Variants in NBAS observed in about 807,000 individuals in gnomAD.
NBAS encodes the protein NBAS subunit of NRZ tethering complex, also known as NAG/BC035112 fusion.
Under a neutral mutation model 302.5 loss-of-function variants are expected in NBAS, and 219 were observed. The observed-to-expected ratio is 0.72, with a 90% CI of 0.65 to 0.81. The LOEUF is 0.81. Among genes scored for constraint, NBAS ranks in the 30% least tolerant of loss-of-function variants. NBAS has a pLI of 0.00. For synonymous variants in NBAS, 1,118 were observed against 1,021.6 expected, an observed-to-expected ratio of 1.09 and a Z score of -1.80; for missense variants, 2,932 against 2,841.6, an observed-to-expected ratio of 1.03 and a Z score of -0.72.
At chr2:15,319,738 A>C (rs1311399143) in intron 38 of NBAS, among the ~76,000 whole-genome samples, 4 of 152,228 alleles carry the variant, frequency 2.6e-5, no homozygotes, top group Non-Finnish European at 5.9e-5. Flanking sequence ...AGGCTCTGAA[A>C]TTGAGGCAAT....
At chr2:14,919,265 C>T in the NBAS span, among the ~76,000 whole-genome samples, 1 of 152,116 alleles carries the variant, frequency 6.6e-6, no homozygotes, top group African/African-American at 2.4e-5. Flanking sequence ...TATGTTTACA[C>T]TATAGTCTTT....
the NBAS span, among the ~76,000 whole-genome samples, chr2:14,832,776 G>T: frequency 6.6e-6 from 1 of 152,176 alleles, no homozygotes; most frequent in African/African-American, 2.4e-5. Flanking sequence ...CCTTGGCATT[G>T]TTCACATTTT....
At chr2:15,357,098 T>C (rs992948041) in intron 32 of NBAS, among the ~76,000 whole-genome samples, 71 of 152,280 alleles carry the variant, frequency 4.7e-4, no homozygotes, top group African/African-American at 1.6e-3. Flanking sequence ...TCTGGCACCC[T>C]AGCCAGCCCT....
chr2:14,967,014 T>G, the NBAS span, among the ~76,000 whole-genome samples: 1 of 152,178 alleles, frequency 6.6e-6, no homozygotes, highest in Non-Finnish European at 1.5e-5. Context: ...TCATGTATAC[T>G]GATAAACAAT....
At chr2:15,439,317 A>G (rs1189850429) in intron 21 of NBAS, among the ~76,000 whole-genome samples, 5 of 151,684 alleles carry the variant, frequency 3.3e-5, no homozygotes, top group Admixed American at 3.3e-4. Flanking sequence ...AAAAAAAAAA[A>G]AAAAAAAAGA....
At chr2:15,035,417 T>A in the NBAS span, among the ~76,000 whole-genome samples, 1 of 152,190 alleles carries the variant, frequency 6.6e-6, no homozygotes, top group Non-Finnish European at 1.5e-5. Context: ...TCAACCATTG[T>A]GGAAGACAGT....
intron 47 of NBAS, 67 bp downstream of exon 47, chr2:15,232,355 C>T: frequency 6.8e-7 from 1 of 1,468,914 alleles, no homozygotes; most frequent in East Asian, 2.3e-5. Flanking sequence ...CATACGGATA[C>T]TAAGAGCAAT....
rs751615350 is a variant in NBAS, at chr2:15,424,395, T to C, written c.2497A>G (p.Arg833Gly). 3.4e-5 allele frequency: 55 copies of C among 1,614,054 alleles called. No homozygotes were observed. Among genetic ancestry groups the C allele is most frequent in the South Asian group, 1.1e-5 (1 of 91,092 alleles). Residue 833 changes from arginine to glycine, a missense_variant, in exon 23 of 52, where the codon AGG becomes GGG. Transcript: ENST00000281513. The stretch of plus-strand genomic sequence containing the variant: ...TTCTCCACCGTAAGCTGGGTCATCC[T>C]GAACCTTAGTAACTCAGGCTGTGCA... ...YAAQPELLRF[R>G]MTQLTVEKVM...
chr2:14,984,193 T>C, the NBAS span, among the ~76,000 whole-genome samples: 2 of 152,298 alleles, frequency 1.3e-5, no homozygotes, highest in South Asian at 2.1e-4. Context: ...TGGTTTTCCT[T>C]CACTCCTCAT....
intron 48 of NBAS, among the ~76,000 whole-genome samples, chr2:15,209,327 G>A (rs534601327): frequency 1.3e-5 from 2 of 152,122 alleles, no homozygotes; most frequent in South Asian, 4.2e-4. Context: ...AAAAATCTGG[G>A]ACTGGATAGC....
chr2:15,533,673 G>GGTGC (rs1558418656), intron 9 of NBAS, among the ~76,000 whole-genome samples: 1 of 130,678 alleles, frequency 7.7e-6, no homozygotes, highest in East Asian at 2.4e-4. Flanking sequence ...GACTTCGGGG[G>GGTGC]GTGTGCGTGT....
chr2:15,168,673 A>G (rs1664147271), intron 51 of NBAS, among the ~76,000 whole-genome samples: 1 of 152,200 alleles, frequency 6.6e-6, no homozygotes, highest in Non-Finnish European at 1.5e-5. Context: ...CTTGTTGCCC[A>G]GGCTAGAGTG....
the NBAS span, among the ~76,000 whole-genome samples, chr2:14,850,533 C>T: frequency 3.4e-5 from 3 of 88,834 alleles, no homozygotes; most frequent in Non-Finnish European, 5.9e-5. Context: ...GACAGAAAGT[C>T]AACAAGGATA....
In NBAS at chr2:15,167,375, T is replaced by TC. The variant is rs769866289; in HGVS notation, c.6841-53dup. ...TGAGGGGGTGTTTGCTTTGTTCGCC[T>TC]CCCCCTTGGATCCCTCGCTCTCCAC... is the stretch of plus-strand genomic sequence containing the variant. On this transcript the variant is annotated intron_variant, in intron 51 of 51. Transcript: ENST00000281513. The TC allele has an allele frequency of 2.5e-6, 4 of 1,601,050 alleles. No homozygotes were observed. In the South Asian group the frequency reaches 3.3e-5, roughly 13 times the overall value.
intron 35 of NBAS, among the ~76,000 whole-genome samples, chr2:15,341,402 GAATAAATA>G (rs3085584): frequency 0.01 from 1,517 of 148,218 alleles, 36 homozygotes; most frequent in African/African-American, 0.035. Flanking sequence ...ATAAATAAAT[GAATAAATA>G]AATAAATAAA....
At chr2:14,984,861 C>T in the NBAS span, among the ~76,000 whole-genome samples, 1 of 152,216 alleles carries the variant, frequency 6.6e-6, no homozygotes, top group Admixed American at 6.5e-5. Flanking sequence ...TGAGTGGGGA[C>T]CTGAAAGCCC....
intron 9 of NBAS, among the ~76,000 whole-genome samples, chr2:15,512,611 A>C (rs1425788888): frequency 3.9e-5 from 6 of 152,196 alleles, no homozygotes; most frequent in Admixed American, 2.0e-4. Flanking sequence ...AGAAAGGGGC[A>C]GCAGAAGAGT....
rs59329954 is a variant in NBAS, at chr2:15,388,453, T to C, written c.3258-5136A>G. ...AAATGCTACTATATACCCATCTAAA[T>C]GGTTAAAATGGGAGAAAAGAAAATC... On this transcript the variant is annotated intron_variant, in intron 28 of 51. Coordinates refer to ENST00000281513, the MANE Select transcript of NBAS (RefSeq NM_015909.4). Among the ~76,000 whole-genome samples, 740 of 151,890 alleles carry C rather than the reference T, an allele frequency of 4.9e-3. 10 individuals carry two copies. The highest frequency in any genetic ancestry group is 0.016 in the African/African-American group (682 of 41,416).
At chr2:14,805,985 C>A in the NBAS span, among the ~76,000 whole-genome samples, 1 of 152,256 alleles carries the variant, frequency 6.6e-6, no homozygotes, top group African/African-American at 2.4e-5. Context: ...CCCTTGCAGG[C>A]AAGGATTATG....
Sources: gnomAD v4.1 joint callset for allele counts (sites outside exome capture counted in the v4.1 genomes callset) on GRCh38, gnomAD v4.1.1 for gene constraint, MANE v1.5 for transcripts, NCBI Gene and HGNC (gene_info 2026-07-23, HGNC 2026-07-21) for gene names.